Variants in TMTC1 observed in about 807,000 individuals in gnomAD.
TMTC1 encodes the protein transmembrane O-mannosyltransferase targeting cadherins 1.
In TMTC1, 73 loss-of-function variants were observed where a neutral mutation model predicts 104.8. The observed-to-expected ratio is 0.70, with a 90% confidence interval of 0.58 to 0.85. TMTC1 has a LOEUF of 0.85. Ranked by LOEUF, TMTC1 falls within the 40% of genes least tolerant of loss-of-function variation. TMTC1 has a pLI of 0.00. For missense variants in TMTC1, 1,035 were observed against 1,096.1 expected (o/e 0.94, Z 0.79); for synonymous variants, 434 against 428.7 (o/e 1.01, Z -0.15).
At position 29,518,685 on chromosome 12, in the gene TMTC1, CTT is replaced by C. The variant is rs1944060430; in HGVS notation, c.1889-80_1889-79del. ...ATGAACATTTCACTTTCTCTTCTGA[CTT>C]ATAATTCTTTCTCATTATTACAGAG... On this transcript the variant is annotated intron_variant, in intron 12 of 17. Coordinates refer to ENST00000539277, the MANE Select transcript of TMTC1 (RefSeq NM_001193451.2). 3 of 1,513,558 alleles carry C rather than the reference CTT, an allele frequency of 2.0e-6. No individual in the cohort carries two copies. The South Asian group carries it at 3.9e-5, about 20-fold the overall frequency. The allele number at this position is 1,513,558 out of a possible 1,614,324, so 93.8% of individuals were successfully genotyped here.
In TMTC1 at chr12:29,758,761, C is replaced by T; in HGVS notation, c.497G>A (p.Gly166Asp). The T allele has an allele frequency of 3.1e-6, 5 of 1,606,816 alleles. No homozygotes were observed. Among genetic ancestry groups the T allele is most frequent in the Non-Finnish European group, 4.2e-6 (5 of 1,177,534 alleles). Residue 166 changes from glycine (G) to aspartate (D), a missense_variant, in exon 3 of 18, where the codon GGC (glycine) becomes GAC (aspartate). By Grantham distance (94) the Gly-to-Asp change is moderately conservative. Transcript: ENST00000539277. ...CAGACACGCTAACACGTCCGCTCTG[C>T]CAACGATCCCAGCCACCTTGGAAGT... ...IHTEAVAGIV[G>D]RADVLACLLF...
At chr12:29,742,399 G>A (rs940293468) in intron 5 of TMTC1, among the ~76,000 whole-genome samples, 18 of 152,048 alleles carry the variant, frequency 1.2e-4, no homozygotes, top group Admixed American at 9.8e-4. Context: ...ATGACAGGTC[G>A]CTCATGAAGA....
intron 5 of TMTC1, among the ~76,000 whole-genome samples, chr12:29,724,993 T>A (rs1188906872): frequency 6.6e-6 from 1 of 150,662 alleles, no homozygotes; most frequent in Non-Finnish European, 1.5e-5. Context: ...CAGCGTAGTT[T>A]AGCTATATAT....
rs555289458 is a variant in TMTC1, at chr12:29,726,795, C to G, written c.938+24871G>C. Among the ~76,000 whole-genome samples, 9 of 152,302 alleles carry G rather than the reference C, an allele frequency of 5.9e-5. No individual in the cohort carries two copies. The East Asian group carries it at 1.4e-3, about 23-fold the overall frequency. ...AGAAGGCCAAGGCAATACCATCAAT[C>G]TAGAGATTATCCTAAAGTTCCGAAG... On this transcript the variant is annotated intron_variant, in intron 5 of 17. Coordinates refer to ENST00000539277, the MANE Select transcript of TMTC1 (RefSeq NM_001193451.2).
chr12:29,623,827 A>AAAT (rs1279663241), intron 6 of TMTC1, among the ~76,000 whole-genome samples: 1 of 146,238 alleles, frequency 6.8e-6, no homozygotes, highest in African/African-American at 2.7e-5. Flanking sequence ...ATAAATAAAT[A>AAAT]AATTAAATTA....
chr12:29,746,976 G>T (rs1252653605), intron 5 of TMTC1, among the ~76,000 whole-genome samples: 2 of 152,196 alleles, frequency 1.3e-5, no homozygotes, highest in Admixed American at 6.5e-5. Flanking sequence ...TCAGTAAACA[G>T]TATTCAATGA....
intron 6 of TMTC1, among the ~76,000 whole-genome samples, chr12:29,606,626 C>T (rs930257626): frequency 2.6e-5 from 4 of 151,918 alleles, no homozygotes; most frequent in African/African-American, 9.7e-5. Flanking sequence ...TGTAATACAC[C>T]CTAGTAATTC....
chr12:29,607,811 G>A (rs1297228057), intron 6 of TMTC1, among the ~76,000 whole-genome samples: 1 of 152,134 alleles, frequency 6.6e-6, no homozygotes, highest in African/African-American at 2.4e-5. Context: ...CCTGAGCGTT[G>A]AATGTAGTTG....
rs189108801 is a variant in TMTC1, at chr12:29,753,419, C to T, written c.732-1547G>A. ...TTCCTCCCTGGAAGCAATGGTGCTC[C>T]GGGCTAACCCTGTGAATCTGGAGCC... On this transcript the variant is annotated intron_variant, in intron 4 of 17. Coordinates refer to ENST00000539277, the MANE Select transcript of TMTC1 (RefSeq NM_001193451.2). Among the ~76,000 whole-genome samples the T allele has an allele frequency of 2.0e-5, 3 of 152,322 alleles. No individual in the cohort carries two copies. The East Asian group carries it at 5.8e-4, about 29-fold the overall frequency.
rs1565786492 is a variant in TMTC1, at chr12:29,710,955, TAAATATA to T, written c.938+40704_938+40710del. Among the ~76,000 whole-genome samples, 6 of 65,794 alleles carry T rather than the reference TAAATATA, an allele frequency of 9.1e-5. No individual in the cohort carries two copies. The East Asian group carries it at 3.0e-3, about 33-fold the overall frequency. The allele number at this position is 65,794 out of a possible 152,430, so 43.2% of individuals were successfully genotyped here. A position where few individuals can be genotyped will look rare whatever the true frequency, so the allele number is the denominator to read the frequency against. ...TATTAATAATATATAAATATATATA[TAAATATA>T]TTAATAATATATAAATATATATATA... On this transcript the variant is annotated intron_variant, in intron 5 of 17. Transcript: ENST00000539277.
chr12:29,535,967 A>G (rs1400511779), intron 11 of TMTC1: 1 of 483,892 alleles, frequency 2.1e-6, no homozygotes, highest in Non-Finnish European at 3.6e-6. Flanking sequence ...TTCTGTACCA[A>G]AGTGAGAGAG....
intron 9 of TMTC1, among the ~76,000 whole-genome samples, chr12:29,559,057 C>A (rs1394207732): frequency 6.6e-6 from 1 of 152,208 alleles, no homozygotes; most frequent in East Asian, 1.9e-4. Context: ...TTGTCCCATG[C>A]ACATGATGAA....
At chr12:29,736,666 C>T (rs913656384) in intron 5 of TMTC1, among the ~76,000 whole-genome samples, 1 of 152,190 alleles carries the variant, frequency 6.6e-6, no homozygotes, top group African/African-American at 2.4e-5. Flanking sequence ...GATCCGCCCA[C>T]CTCGGCCTCC....
chr12:29,767,228 C>T (rs1565823545), intron 2 of TMTC1, among the ~76,000 whole-genome samples: 1 of 152,200 alleles, frequency 6.6e-6, no homozygotes, highest in Non-Finnish European at 1.5e-5. Context: ...GCTGGGATTA[C>T]AGGCGTGAGC....
chr12:29,554,359 G>GTTT (rs140045877), intron 10 of TMTC1, among the ~76,000 whole-genome samples: 102 of 146,628 alleles, frequency 7.0e-4, no homozygotes, highest in African/African-American at 2.4e-3. Context: ...TTCCTTTCTT[G>GTTT]TTTTTTTTTT....
At chr12:29,638,367 G>A (rs999862360) in intron 5 of TMTC1, among the ~76,000 whole-genome samples, 26 of 151,940 alleles carry the variant, frequency 1.7e-4, no homozygotes, top group African/African-American at 6.0e-4. Context: ...GAGGGTGATC[G>A]GCTGGACTCT....
At chr12:29,741,346 T>TA (rs1942820121) in intron 5 of TMTC1, among the ~76,000 whole-genome samples, 2 of 152,190 alleles carry the variant, frequency 1.3e-5, no homozygotes, top group Non-Finnish European at 2.9e-5. Context: ...TCTCACACAG[T>TA]TTCTAACTAC....
intron 5 of TMTC1, among the ~76,000 whole-genome samples, chr12:29,687,656 G>T (rs1462271171): frequency 6.6e-6 from 1 of 152,180 alleles, no homozygotes; most frequent in African/African-American, 2.4e-5. Context: ...AATTAGCTAG[G>T]ACTGTCACTA....
intron 5 of TMTC1, among the ~76,000 whole-genome samples, chr12:29,634,711 A>C (rs1938466149): frequency 6.6e-6 from 1 of 152,270 alleles, no homozygotes. Flanking sequence ...CTGAATTAAA[A>C]AGGCAGAAGG....
Sources: allele counts gnomAD v4.1 joint callset (sites outside exome capture counted in the v4.1 genomes callset), GRCh38; gene constraint gnomAD v4.1.1; transcripts MANE v1.5; gene names NCBI Gene and HGNC (gene_info 2026-07-23, HGNC 2026-07-21).